Variants in THRA observed in about 807,000 individuals in gnomAD.
The protein encoded by THRA is EAR-7.
A neutral mutation model predicts 45.0 loss-of-function variants in THRA; 13 were observed. The observed-to-expected ratio is 0.29, with a 90% CI of 0.19 to 0.46. THRA has a LOEUF of 0.46. THRA is among the 20% of genes least tolerant of loss of function. THRA has a pLI of 1.00. For synonymous variants in THRA, 195 were observed against 214.0 expected (o/e 0.91, Z 0.78); for missense variants, 278 against 556.1 (o/e 0.50, Z 5.03).
Position 40,091,823 on chromosome 17 carries a change from C to G in THRA, c.*2367C>G, listed in dbSNP as rs1987567248. 1 of 152,312 alleles carries G rather than the reference C, an allele frequency of 6.6e-6. No individual in the cohort carries two copies. The highest frequency in any genetic ancestry group is 6.5e-5 in the Admixed American group (1 of 15,270). The allele number at this position is 152,312 out of a possible 1,614,324, so 9.4% of individuals were successfully genotyped here. On this transcript the variant is annotated 3_prime_UTR_variant, in exon 9 of 9. Coordinates refer to ENST00000450525, the MANE Select transcript of THRA (RefSeq NM_199334.5). ...CATGGTAGGGGAGGAGCCAGGGCGA[C>G]TCAGGAGTGCCACGCACCTGCTCTA...
chr17:40,093,752 T>C, downstream of THRA: 1 of 664,546 alleles, frequency 1.5e-6, no homozygotes. This position sits in a 1 kb window ranked among gnomAD's most constrained non-coding sequence, Gnocchi z 5.9. Flanking sequence ...TTATAATTAG[T>C]CGGGCATGAG....
At chr17:40,067,547 C>T (rs907111594) in intron 1 of THRA, among the ~76,000 whole-genome samples, 1 of 152,186 alleles carries the variant, frequency 6.6e-6, no homozygotes, top group Non-Finnish European at 1.5e-5. Flanking sequence ...GTGGTGGGCA[C>T]AGCACTTTGA....
rs1461053331 is a variant in THRA at position 40,090,795 on chromosome 17, G to C, written c.*1339G>C. 6.6e-6 allele frequency: 1 copy of C among 151,684 alleles called. No homozygotes were observed. Among genetic ancestry groups the C allele is most frequent in the Admixed American group, 6.6e-5 (1 of 15,248 alleles). 9.4% of individuals were successfully genotyped at this position (151,684 alleles called of 1,614,324 possible). A position where few individuals can be genotyped will look rare whatever the true frequency, so the allele number is the denominator to read the frequency against. On this transcript the variant is annotated 3_prime_UTR_variant, in exon 9 of 9. Coordinates refer to ENST00000450525, the MANE Select transcript of THRA (RefSeq NM_199334.5). Reference sequence around the variant, plus strand: ...TGGTCGGTGCTCCTTTTTCTTTAAAGCTCTTTTGGCCAGCTGCCCCTCTGC... The same window carrying C: ...TGGTCGGTGCTCCTTTTTCTTTAAACCTCTTTTGGCCAGCTGCCCCTCTGC...
At chr17:40,073,515 C>T (rs1338489453) in intron 1 of THRA, among the ~76,000 whole-genome samples, 1 of 152,158 alleles carries the variant, frequency 6.6e-6, no homozygotes, top group African/African-American at 2.4e-5. Flanking sequence ...CCTTTCCTTT[C>T]CCCCTTGCCA....
intron 4 of THRA, among the ~76,000 whole-genome samples, chr17:40,080,717 CTTTTTTT>C (rs755937821): frequency 5.0e-5 from 5 of 99,306 alleles, no homozygotes; most frequent in East Asian, 2.7e-4. Context: ...CCTTTGGTGA[CTTTTTTT>C]TTTTTTTTTT....
Position 40,092,797 on chromosome 17 carries a change from C to G in THRA, c.*3341C>G. ...GCACACACCACAGAAGCCAGCTCAG[C>G]TGTGAACTATTGGATTTGAGACAGG... On this transcript the variant is annotated 3_prime_UTR_variant, in exon 9 of 9. Coordinates refer to ENST00000450525, the MANE Select transcript of THRA (RefSeq NM_199334.5). The G allele has an allele frequency of 1.5e-6, 1 of 659,588 alleles. No homozygotes were observed. The highest frequency in any genetic ancestry group is 2.4e-6 in the Non-Finnish European group (1 of 411,498). The allele number at this position is 659,588 out of a possible 1,614,324, so 40.9% of individuals were successfully genotyped here. A position where few individuals can be genotyped will look rare whatever the true frequency, so the allele number is the denominator to read the frequency against.
chr17:40,073,110 G>T (rs1478874150), intron 1 of THRA, among the ~76,000 whole-genome samples: 2 of 152,222 alleles, frequency 1.3e-5, no homozygotes, highest in African/African-American at 4.8e-5. Context: ...TCCTGGGGGT[G>T]GGGCCAGGGG....
downstream of THRA, chr17:40,093,415 G>A: frequency 6.3e-7 from 1 of 1,594,630 alleles, no homozygotes; most frequent in East Asian, 2.2e-5. The surrounding 1 kb of genome is among the most constrained non-coding windows in gnomAD (Gnocchi z 5.9). Flanking sequence ...GAAGGAGAAG[G>A]AGTGCCATAC....
At chr17:40,074,961 A>G (rs973669748) in intron 2 of THRA, among the ~76,000 whole-genome samples, 5 of 152,232 alleles carry the variant, frequency 3.3e-5, no homozygotes, top group African/African-American at 9.6e-5. Context: ...CACGTAATAC[A>G]TTTCAGGGCA....
chr17:40,089,764 A>G lies in THRA; in HGVS notation c.*308A>G. ...GGAAGGGCGGGAGGATTGAGAAGGG[A>G]CAAGCCACCTTGACCGTAGGGGAAG... is the stretch of plus-strand genomic sequence containing the variant. On this transcript the variant is annotated 3_prime_UTR_variant, in exon 9 of 9. Coordinates refer to ENST00000450525, the MANE Select transcript of THRA (RefSeq NM_199334.5). The surrounding 1 kb of genome is among the most constrained non-coding windows in gnomAD (Gnocchi z 6.1). 1 of 1,225,920 alleles carries G rather than the reference A, an allele frequency of 8.2e-7. No individual in the cohort carries two copies. Among genetic ancestry groups the G allele is most frequent in the East Asian group, 4.5e-5 (1 of 22,092 alleles). The allele number at this position is 1,225,920 out of a possible 1,614,324, so 75.9% of individuals were successfully genotyped here.
Position 40,065,279 on chromosome 17 carries a change from A to T in THRA, c.-298+2187A>T, listed in dbSNP as rs138198659. 2.9e-3 allele frequency among the ~76,000 whole-genome samples: 445 copies of T among 152,170 alleles called. 2 individuals are homozygous for T. Among genetic ancestry groups the T allele is most frequent in the Non-Finnish European group, 4.8e-3 (329 of 68,002 alleles). ...GTCATTTGCCTGGGTCTTTCCTGGG[A>T]ACAGTCAGTCACTTCCAGCTGAGTT... is the stretch of plus-strand genomic sequence containing the variant. On this transcript the variant is annotated intron_variant, in intron 1 of 8. Coordinates refer to ENST00000450525, the MANE Select transcript of THRA (RefSeq NM_199334.5).
chr17:40,077,042 G>T (rs912855062), intron 3 of THRA, 104 bp downstream of exon 3: 7 of 1,200,652 alleles, frequency 5.8e-6, no homozygotes, highest in East Asian at 2.5e-5. Context: ...TGTGTTCCCT[G>T]GGGGGAGCCT....
At chr17:40,087,130 GAC>G (rs1177888772) in intron 7 of THRA, 85 of 394,562 alleles carry the variant, frequency 2.2e-4, no homozygotes, top group Middle Eastern at 7.1e-4. Context: ...CCAGCACACA[GAC>G]ACACACACAC....
rs772402529 is a variant in THRA, at chr17:40,089,882, C to T, written c.*426C>T. ...CCCAGTTCCTTGGCCTAGGTCTCCCCTCCAGGCTGAGGGCCTCTCTACTTC... is the reference window on the plus strand; with the variant it reads ...CCCAGTTCCTTGGCCTAGGTCTCCCTTCCAGGCTGAGGGCCTCTCTACTTC... On this transcript the variant is annotated 3_prime_UTR_variant, in exon 9 of 9. Transcript: ENST00000450525. This position sits in a 1 kb window ranked among gnomAD's most constrained non-coding sequence, Gnocchi z 6.1. 42 of 1,009,264 alleles carry T rather than the reference C, an allele frequency of 4.2e-5. No individual in the cohort carries two copies. The Admixed American group carries it at 1.1e-3, about 27-fold the overall frequency. The allele number at this position is 1,009,264 out of a possible 1,614,324, so 62.5% of individuals were successfully genotyped here.
intron 4 of THRA, among the ~76,000 whole-genome samples, chr17:40,080,879 C>T (rs1029225436): frequency 6.6e-6 from 1 of 152,008 alleles, no homozygotes; most frequent in Non-Finnish European, 1.5e-5. Context: ...CCTGCCACCT[C>T]ACCTGGCTAA....
intron 2 of THRA, 60 bp from the exon 3 acceptor site, chr17:40,076,811 G>T: frequency 6.4e-7 from 1 of 1,571,516 alleles, no homozygotes. Flanking sequence ...AAGCCTCTCG[G>T]ATGAGAAAGG....
Position 40,074,280 on chromosome 17 carries a change from C to T in THRA, c.-209C>T. The T allele has an allele frequency of 1.7e-6, 1 of 587,450 alleles. No individual in the cohort carries two copies. The highest frequency in any genetic ancestry group is 3.0e-6 in the Non-Finnish European group (1 of 328,972). 36.4% of individuals were successfully genotyped at this position (587,450 alleles called of 1,614,324 possible). Reference sequence around the variant, plus strand: ...CCCAGCTTGCCCCCAGCCCTCCCACCTGCCACTCCCTGGCCCCTCCCACCG... The same window carrying T: ...CCCAGCTTGCCCCCAGCCCTCCCACTTGCCACTCCCTGGCCCCTCCCACCG... On this transcript the variant is annotated 5_prime_UTR_variant, in exon 2 of 9. Coordinates refer to ENST00000450525, the MANE Select transcript of THRA (RefSeq NM_199334.5).
At chr17:40,086,987 T>TACACAG in intron 7 of THRA, 134 bp downstream of exon 7, 2 of 1,120,086 alleles carry the variant, frequency 1.8e-6, no homozygotes, top group Non-Finnish European at 2.5e-6. Flanking sequence ...ACAGATAACA[T>TACACAG]ACACAGACAC....
chr17:40,092,779 C>G lies in THRA; in HGVS notation c.*3323C>G, dbSNP rs1320497576. On this transcript the variant is annotated 3_prime_UTR_variant, in exon 9 of 9. Transcript: ENST00000450525. ...ACCCCACCCCCCAAACGAGCACACA[C>G]CACAGAAGCCAGCTCAGCTGTGAAC... is the stretch of plus-strand genomic sequence containing the variant. 1 of 552,670 alleles carries G rather than the reference C, an allele frequency of 1.8e-6. No individual in the cohort carries two copies. Among genetic ancestry groups the G allele is most frequent in the Non-Finnish European group, 3.0e-6 (1 of 332,804 alleles). 34.2% of individuals were successfully genotyped at this position (552,670 alleles called of 1,614,324 possible).
Sources: allele counts gnomAD v4.1 joint callset (sites outside exome capture counted in the v4.1 genomes callset), GRCh38; gene constraint gnomAD v4.1.1; non-coding constraint Gnocchi (gnomAD v3.1); transcripts MANE v1.5; gene names NCBI Gene and HGNC (gene_info 2026-07-23, HGNC 2026-07-21).